Variants in GRID2IP observed in about 807,000 individuals in gnomAD.
GRID2IP encodes delphilin.
In GRID2IP, 78 loss-of-function variants were observed where a neutral mutation model predicts 114.3. The ratio of observed to expected loss-of-function variants is 0.68; its 90% CI spans 0.57 to 0.82. The LOEUF is 0.82. GRID2IP is among the 40% of genes least tolerant of loss of function. GRID2IP has a pLI of 0.00. For synonymous variants in GRID2IP, 809 were observed against 724.0 expected, an observed-to-expected ratio of 1.12 and a Z score of -1.89; for missense variants, 1,727 against 1,678.5, an observed-to-expected ratio of 1.03 and a Z score of -0.51.
At chr7:6,533,720 A>C (rs1473036493) in intron 2 of GRID2IP, among the ~76,000 whole-genome samples, 1 of 145,466 alleles carries the variant, frequency 6.9e-6, no homozygotes, top group African/African-American at 2.6e-5. Flanking sequence ...TGTGTTGTCT[A>C]GGCTGGCCTT....
intron 2 of GRID2IP, among the ~76,000 whole-genome samples, chr7:6,538,380 C>G (rs956798850): frequency 1.4e-5 from 2 of 142,794 alleles, no homozygotes; most frequent in African/African-American, 5.2e-5. Flanking sequence ...CAAAACAAAA[C>G]AAAACAAAAC....
intron 1 of GRID2IP, among the ~76,000 whole-genome samples, chr7:6,542,556 G>A (rs1260831137): frequency 6.6e-6 from 1 of 152,066 alleles, no homozygotes; most frequent in Non-Finnish European, 1.5e-5. Context: ...TACTTGTGAG[G>A]CTGAAGTGAG....
chr7:6,512,223 CTT>C (rs1222072951), intron 8 of GRID2IP, among the ~76,000 whole-genome samples: 3 of 79,308 alleles, frequency 3.8e-5, no homozygotes, highest in South Asian at 3.3e-4. Flanking sequence ...GCCTTTTTTT[CTT>C]TTCTTCTTTT....
At chr7:6,531,593 C>T (rs1382063843) in intron 2 of GRID2IP, among the ~76,000 whole-genome samples, 1 of 152,218 alleles carries the variant, frequency 6.6e-6, no homozygotes, top group African/African-American at 2.4e-5. Context: ...TTACCCTCCC[C>T]GGGGTCGGGA....
At position 6,526,606 on chromosome 7, in the gene GRID2IP, C is replaced by T; in HGVS notation, c.748G>A (p.Ala250Thr). The T allele has an allele frequency of 8.3e-7, 1 of 1,198,882 alleles. No homozygotes were observed. The highest frequency in any genetic ancestry group is 1.0e-6 in the Non-Finnish European group (1 of 967,442). The allele number at this position is 1,198,882 out of a possible 1,614,324, so 74.3% of individuals were successfully genotyped here. The change falls in exon 3 of 22, where the codon GCC becomes ACC. Residue 250 changes from alanine (A) to threonine (T), a missense_variant. Physicochemically the swap from Ala to Thr is moderately conservative, Grantham distance 58 (BLOSUM62 0). Transcript: ENST00000457091. The surrounding 1 kb of genome is among the most constrained non-coding windows in gnomAD (Gnocchi z 7.6). ...ERLLVSTRAS[A>T]PPRRPDEPPP... ...GGCTCATCGGGGCGGCGCGGCGGGG[C>T]GCTGGCGCGCGTGGACACCAGGAGG...
rs2881724 is a variant in GRID2IP at position 6,532,329 on chromosome 7, G to C, written c.585-5560C>G. ...CCTCTCCAAAGACAGGCGGGAACAG[G>C]AGAGGCAAGATGCCCCGGGGACTTT... On this transcript the variant is annotated intron_variant, in intron 2 of 21. Transcript: ENST00000457091. This position sits in a 1 kb window ranked among gnomAD's most constrained non-coding sequence, Gnocchi z 4.4. Among the ~76,000 whole-genome samples the C allele has an allele frequency of 0.87, 132,426 of 152,094 alleles. 58,519 individuals carry two copies. The highest frequency in any genetic ancestry group is 0.95 in the African/African-American group (39,615 of 41,530).
Position 6,501,901 on chromosome 7 carries a change from T to C in GRID2IP, c.3281-2A>G. ...CACTGGTCAGGGCCCGTTGGTTCAC[T>C]GTAGGGAAGAGGACAGGGGCTGCAT... On this transcript the variant is annotated splice_acceptor_variant, in intron 19 of 21. Transcript: ENST00000457091. LOFTEE classifies it high-confidence loss of function. 6.4e-7 allele frequency: 1 copy of C among 1,551,448 alleles called. No individual in the cohort carries two copies. Among genetic ancestry groups the C allele is most frequent in the Non-Finnish European group, 8.7e-7 (1 of 1,146,920 alleles).
Position 6,497,831 on chromosome 7 carries a change from G to A in GRID2IP, c.3579C>T (p.Asp1193=), listed in dbSNP as rs1583329213. The A allele has an allele frequency of 1.3e-6, 2 of 1,550,218 alleles. No homozygotes were observed. Among genetic ancestry groups the A allele is most frequent in the South Asian group, 2.4e-5 (2 of 84,002 alleles). Residue 1193 remains aspartate (D), a synonymous_variant, in exon 22 of 22, where the codon GAC becomes GAT. Coordinates refer to ENST00000457091, the MANE Select transcript of GRID2IP (RefSeq NM_001145118.2). ...TGCGCAGGCCCTCCCCGGCCTGCAG[G>A]TCACTCAGCGCTCGCTGGGGAGGGG... is the stretch of plus-strand genomic sequence containing the variant. The part of the protein sequence containing the change: ...FMSKFERALS[D]LQAGEGLRSS...
At position 6,526,419 on chromosome 7, in the gene GRID2IP, C is replaced by T. The variant is rs541942886; in HGVS notation, c.833+102G>A. ...CTTAACCTCTCCGGCCCCCTATGCA[C>T]CCCAGATGCCCAGCCCCGCCCCTAC... On this transcript the variant is annotated intron_variant, in intron 3 of 21. Coordinates refer to ENST00000457091, the MANE Select transcript of GRID2IP (RefSeq NM_001145118.2). This position sits in a 1 kb window ranked among gnomAD's most constrained non-coding sequence, Gnocchi z 7.6. 1.2e-3 allele frequency: 1,870 copies of T among 1,506,588 alleles called. 1 individual carries two copies. Among genetic ancestry groups the T allele is most frequent in the Non-Finnish European group, 1.5e-3 (1,720 of 1,121,568 alleles). 93.3% of individuals were successfully genotyped at this position (1,506,588 alleles called of 1,614,324 possible). A position where few individuals can be genotyped will look rare whatever the true frequency, so the allele number is the denominator to read the frequency against.
Position 6,551,128 on chromosome 7 carries a change from C to G in GRID2IP, c.309G>C (p.Arg103=). ...SGPAAPTTVL[R]APRCGRGLAL... ...CTAGGCCGCGGCCGCACCGCGGGGC[C>G]CGCAAGACTGTGGTCGGGGCCGCGG... Residue 103 remains arginine (R), a synonymous_variant, in exon 1 of 22, where the codon CGG becomes CGC. Coordinates refer to ENST00000457091, the MANE Select transcript of GRID2IP (RefSeq NM_001145118.2). 2 of 1,317,312 alleles carry G rather than the reference C, an allele frequency of 1.5e-6. No individual in the cohort carries two copies. Among genetic ancestry groups the G allele is most frequent in the Non-Finnish European group, 1.9e-6 (2 of 1,038,466 alleles). 81.6% of individuals were successfully genotyped at this position (1,317,312 alleles called of 1,614,324 possible). A position where few individuals can be genotyped will look rare whatever the true frequency, so the allele number is the denominator to read the frequency against.
intron 2 of GRID2IP, among the ~76,000 whole-genome samples, chr7:6,530,553 C>A (rs879527208): frequency 6.5e-3 from 847 of 130,268 alleles, no homozygotes; most frequent in Middle Eastern, 0.051. Context: ...GGATTACAGG[C>A]GTGAGCCACC....
intron 21 of GRID2IP, 85 bp downstream of exon 21, chr7:6,497,979 G>T: frequency 6.9e-7 from 1 of 1,439,226 alleles, no homozygotes; most frequent in Non-Finnish European, 9.3e-7. Context: ...CCCTTTCCCA[G>T]CCCTGGCTTC....
intron 4 of GRID2IP, among the ~76,000 whole-genome samples, chr7:6,522,252 C>A (rs554013973): frequency 3.4e-4 from 51 of 152,228 alleles, no homozygotes; most frequent in African/African-American, 1.2e-3. Context: ...GGTCAGCAGA[C>A]CCCTGTAATA....
At position 6,509,302 on chromosome 7, in the gene GRID2IP, G is replaced by A. The variant is rs566791746; in HGVS notation, c.1783C>T (p.Leu595=). ...SPAVTTGPRT[L]SGVSWPSERL... is the part of the protein sequence containing the mutation. ...TCGCTGGGCCATGAGACGCCGGACA[G>A]GGTCCTGGGCCCTGGAGGAGGGATG... is the stretch of plus-strand genomic sequence containing the variant. The change falls in exon 12 of 22, where the codon CTG becomes TTG. Residue 595 remains leucine, a synonymous_variant. Coordinates refer to ENST00000457091, the MANE Select transcript of GRID2IP (RefSeq NM_001145118.2). The surrounding 1 kb of genome is among the most constrained non-coding windows in gnomAD (Gnocchi z 4.9). The A allele has an allele frequency of 7.5e-5, 114 of 1,518,864 alleles. No homozygotes were observed. In the African/African-American group the frequency reaches 1.4e-3, roughly 19 times the overall value. The allele number at this position is 1,518,864 out of a possible 1,614,324, so 94.1% of individuals were successfully genotyped here. A position where few individuals can be genotyped will look rare whatever the true frequency, so the allele number is the denominator to read the frequency against.
At chr7:6,546,047 C>A (rs1779882682) in intron 1 of GRID2IP, among the ~76,000 whole-genome samples, 5 of 151,998 alleles carry the variant, frequency 3.3e-5, no homozygotes, top group Admixed American at 1.3e-4. Context: ...CAGCCTACAT[C>A]TAAGCATGAG....
intron 1 of GRID2IP, among the ~76,000 whole-genome samples, chr7:6,550,389 T>A (rs1779955778): frequency 6.6e-6 from 1 of 152,120 alleles, no homozygotes. Context: ...TATATCCTAT[T>A]ATTTTATATA....
At chr7:6,497,986 C>A in intron 21 of GRID2IP, 78 bp downstream of exon 21, 2 of 1,451,434 alleles carry the variant, frequency 1.4e-6, no homozygotes, top group Non-Finnish European at 1.8e-6. Context: ...CCAGCCCTGG[C>A]TTCATGGAGG....
intron 1 of GRID2IP, among the ~76,000 whole-genome samples, chr7:6,550,352 T>C (rs1779955342): frequency 1.3e-5 from 2 of 152,120 alleles, no homozygotes; most frequent in African/African-American, 2.4e-5. Context: ...GTGTCAATTA[T>C]TCTATAGTCT....
Position 6,502,998 on chromosome 7 carries a change from G to T in GRID2IP, c.3063+10C>A, listed in dbSNP as rs1181776151. On this transcript the variant is annotated intron_variant, in intron 17 of 21. Transcript: ENST00000457091. ...GCAGATAGGGTGCCAGGAAGGGTAC[G>T]CCCACTGACCTCCAGGATCTTGGCG... 1.9e-6 allele frequency: 3 copies of T among 1,551,298 alleles called. No homozygotes were observed. The Admixed American group carries it at 5.9e-5, about 30-fold the overall frequency.
Sources: allele counts gnomAD v4.1 joint callset (sites outside exome capture counted in the v4.1 genomes callset), GRCh38; gene constraint gnomAD v4.1.1; non-coding constraint Gnocchi (gnomAD v3.1); transcripts MANE v1.5; gene names NCBI Gene and HGNC (gene_info 2026-07-23, HGNC 2026-07-21).